Variants in FCHSD2 observed in about 807,000 individuals in gnomAD.
FCHSD2 encodes the protein F-BAR and double SH3 domains protein 2.
In FCHSD2, 38 loss-of-function variants were observed where a neutral mutation model predicts 108.1. That is an observed-to-expected ratio of 0.35 (90% confidence interval 0.27 to 0.46). The LOEUF (loss-of-function observed/expected upper bound fraction) is 0.46, where lower values mean the gene tolerates loss of function less well. Ranked by LOEUF, FCHSD2 falls within the 20% of genes least tolerant of loss-of-function variation. The pLI, the probability that FCHSD2 is intolerant of heterozygous loss-of-function variation, is 1.00. For missense variants in FCHSD2, 751 were observed against 897.8 expected (o/e 0.84, Z 2.09); for synonymous variants, 279 against 314.7 (o/e 0.89, Z 1.20).
chr11:72,898,194 T>C (rs1855459329), intron 10 of FCHSD2, among the ~76,000 whole-genome samples: 1 of 152,210 alleles, frequency 6.6e-6, no homozygotes, highest in African/African-American at 2.4e-5. Context: ...TCTTGGACTT[T>C]TGTAGGGAAA....
chr11:72,921,630 T>C (rs1190443142), intron 9 of FCHSD2, among the ~76,000 whole-genome samples, 198 bp downstream of exon 9: 2 of 152,242 alleles, frequency 1.3e-5, no homozygotes, highest in African/African-American at 4.8e-5. Flanking sequence ...CCTCTCTTTT[T>C]GCCCTTGGTG....
rs770593555 is a variant in FCHSD2 at position 72,843,209 on chromosome 11, C to T, written c.1647G>A (p.Thr549=). 2.4e-5 allele frequency: 38 copies of T among 1,613,838 alleles called. No individual in the cohort carries two copies. The highest frequency in any genetic ancestry group is 2.8e-5 in the Non-Finnish European group (33 of 1,179,892). The part of the protein sequence containing the change: ...SLAALDSRSH[T]SSNSTEAELV... ...GTTCTGCTTCCGTGGAATTGCTGGACGTGTGTGACCGACTGTCCAAAGCGG... is the reference window on the plus strand; with the variant it reads ...GTTCTGCTTCCGTGGAATTGCTGGATGTGTGTGACCGACTGTCCAAAGCGG... The change falls in exon 16 of 20, where the codon ACG becomes ACA. Residue 549 remains threonine, a synonymous_variant. Coordinates refer to ENST00000409418, the MANE Select transcript of FCHSD2 (RefSeq NM_014824.3).
intron 2 of FCHSD2, among the ~76,000 whole-genome samples, chr11:73,105,543 A>T (rs993626921): frequency 3.9e-5 from 6 of 152,240 alleles, no homozygotes; most frequent in Non-Finnish European, 8.8e-5. Context: ...AACATTGGAT[A>T]AGTATCTTTA....
chr11:73,004,985 C>A (rs755368832), intron 4 of FCHSD2, among the ~76,000 whole-genome samples: 4 of 152,188 alleles, frequency 2.6e-5, no homozygotes, highest in Non-Finnish European at 4.4e-5. Flanking sequence ...ATACATTATG[C>A]CAATCCTCCT....
At chr11:72,923,862 C>T (rs1856022478) in intron 8 of FCHSD2, among the ~76,000 whole-genome samples, 1 of 152,084 alleles carries the variant, frequency 6.6e-6, no homozygotes, top group South Asian at 2.1e-4. Context: ...CTGCTTGTAC[C>T]CAGGAGGTGG....
chr11:73,086,895 T>C (rs911220461), intron 2 of FCHSD2, among the ~76,000 whole-genome samples: 2 of 152,238 alleles, frequency 1.3e-5, no homozygotes, highest in Admixed American at 1.3e-4. Context: ...ACAAATCTGA[T>C]ATATGCTACA....
chr11:72,901,654 A>G (rs1855528422), intron 10 of FCHSD2, among the ~76,000 whole-genome samples: 1 of 152,064 alleles, frequency 6.6e-6, no homozygotes, highest in Admixed American at 6.6e-5. Context: ...ATGGTTAAAA[A>G]TGGTAATTTT....
At chr11:73,129,169 C>T (rs1033129452) in intron 2 of FCHSD2, among the ~76,000 whole-genome samples, 1 of 152,182 alleles carries the variant, frequency 6.6e-6, no homozygotes, top group African/African-American at 2.4e-5. Flanking sequence ...CCGCGCCTGG[C>T]CAGAGACTCT....
chr11:72,962,670 C>A (rs1297193706), intron 8 of FCHSD2, among the ~76,000 whole-genome samples: 1 of 150,582 alleles, frequency 6.6e-6, no homozygotes, highest in Admixed American at 6.6e-5. Context: ...AATGTGATTT[C>A]CTATCAAATT....
chr11:72,976,138 G>C (rs1017916258), intron 8 of FCHSD2, among the ~76,000 whole-genome samples: 1 of 152,092 alleles, frequency 6.6e-6, no homozygotes, highest in Non-Finnish European at 1.5e-5. Context: ...GTTTGTTTTA[G>C]TTTAGAGTTT....
At chr11:72,958,775 T>C (rs1489040153) in intron 8 of FCHSD2, among the ~76,000 whole-genome samples, 1 of 152,170 alleles carries the variant, frequency 6.6e-6, no homozygotes, top group African/African-American at 2.4e-5. Context: ...TTATCTATTT[T>C]AACCAAATCT....
chr11:72,968,886 T>C (rs943050689), intron 8 of FCHSD2, among the ~76,000 whole-genome samples: 6 of 152,238 alleles, frequency 3.9e-5, no homozygotes, highest in African/African-American at 1.4e-4. Flanking sequence ...AAGATATTTC[T>C]ATAAATTGGT....
intron 8 of FCHSD2, among the ~76,000 whole-genome samples, chr11:72,951,966 T>C (rs887826933): frequency 1.3e-5 from 2 of 152,204 alleles, no homozygotes; most frequent in Admixed American, 6.5e-5. Flanking sequence ...AAGATAACTT[T>C]CAGAATCTAC....
chr11:72,980,660 T>C (rs1398868705), intron 8 of FCHSD2, among the ~76,000 whole-genome samples: 1 of 108,662 alleles, frequency 9.2e-6, no homozygotes, highest in Non-Finnish European at 1.9e-5. Flanking sequence ...TATATGTATG[T>C]GTATGTGTGT....
At chr11:72,993,936 T>C (rs563193470) in intron 5 of FCHSD2, among the ~76,000 whole-genome samples, 3 of 152,068 alleles carry the variant, frequency 2.0e-5, no homozygotes, top group Non-Finnish European at 4.4e-5. Flanking sequence ...AAATATCGGA[T>C]AGAAAAGCCA....
intron 3 of FCHSD2, among the ~76,000 whole-genome samples, chr11:73,017,649 A>T (rs1247697118): frequency 6.6e-6 from 1 of 152,170 alleles, no homozygotes; most frequent in Non-Finnish European, 1.5e-5. Flanking sequence ...CATATCTTGT[A>T]CTTTGGGAGC....
intron 8 of FCHSD2, among the ~76,000 whole-genome samples, chr11:72,971,603 T>C (rs1857007819): frequency 6.6e-6 from 1 of 152,156 alleles, no homozygotes; most frequent in African/African-American, 2.4e-5. Flanking sequence ...GAGCTGAGAA[T>C]GACCCCAGCC....
chr11:72,838,576 G>A lies in FCHSD2; in HGVS notation c.*215C>T. 1.7e-6 allele frequency: 1 copy of A among 580,594 alleles called. No individual in the cohort carries two copies. Among genetic ancestry groups the A allele is most frequent in the East Asian group, 2.9e-5 (1 of 34,714 alleles). 36.0% of individuals were successfully genotyped at this position (580,594 alleles called of 1,614,324 possible). ...AGGGTCCGCTAGGATTTGTGCTATG[G>A]TAGGAGAAATGACATAGAAAATGAC... On this transcript the variant is annotated 3_prime_UTR_variant, in exon 20 of 20. Transcript: ENST00000409418.
At chr11:73,107,049 A>G (rs1238421802) in intron 2 of FCHSD2, among the ~76,000 whole-genome samples, 1 of 151,992 alleles carries the variant, frequency 6.6e-6, no homozygotes, top group Non-Finnish European at 1.5e-5. Context: ...ATATATATAT[A>G]TATTTTTAAA....
Sources: allele counts gnomAD v4.1 joint callset (sites outside exome capture counted in the v4.1 genomes callset), GRCh38; gene constraint gnomAD v4.1.1; transcripts MANE v1.5; gene names NCBI Gene and HGNC (gene_info 2026-07-23, HGNC 2026-07-21).